WDR37: variants seen among roughly 807,000 people sequenced by gnomAD.
WDR37 encodes WD repeat-containing protein 37.
A neutral mutation model predicts 62.9 loss-of-function variants in WDR37; 19 were observed. That is an observed-to-expected ratio of 0.30 (90% confidence interval 0.21 to 0.44). WDR37 has a LOEUF of 0.44. Among genes scored for constraint, WDR37 ranks in the 20% least tolerant of loss-of-function variants. WDR37 has a pLI of 1.00. For missense variants in WDR37, 474 were observed against 657.6 expected (o/e 0.72, Z 3.05); for synonymous variants, 250 against 260.9 (o/e 0.96, Z 0.40).
intron 9 of WDR37, among the ~76,000 whole-genome samples, chr10:1,098,239 T>C (rs1390200695): frequency 6.6e-6 from 1 of 151,692 alleles, no homozygotes; most frequent in East Asian, 1.9e-4. Context: ...GATGAGTGTG[T>C]CCTTGTCAGA....
chr10:1,057,810 T>C (rs1833239969), intron 1 of WDR37, among the ~76,000 whole-genome samples: 1 of 152,258 alleles, frequency 6.6e-6, no homozygotes, highest in Admixed American at 6.5e-5. Flanking sequence ...AGAAAAGTGT[T>C]AATTGCTTGG....
chr10:1,078,453 A>T (rs937937008), intron 3 of WDR37, among the ~76,000 whole-genome samples: 4 of 152,208 alleles, frequency 2.6e-5, no homozygotes, highest in African/African-American at 9.6e-5. Flanking sequence ...ATCAGACAGT[A>T]TAAAAAGAAA....
chr10:1,080,517 A>G (rs779487791), intron 5 of WDR37, 41 bp downstream of exon 5: 1 of 1,603,902 alleles, frequency 6.2e-7, no homozygotes. Context: ...TGTGGTGGTT[A>G]AGGTGTGCAG....
chr10:1,072,315 C>T (rs1451994075), intron 2 of WDR37, 22 bp downstream of exon 2: 1 of 1,606,190 alleles, frequency 6.2e-7, no homozygotes, highest in Non-Finnish European at 8.5e-7. Context: ...TTGATTAGGG[C>T]CTTATTGATT....
At chr10:1,060,547 A>G (rs1326392853) in intron 1 of WDR37, among the ~76,000 whole-genome samples, 2 of 152,254 alleles carry the variant, frequency 1.3e-5, no homozygotes, top group Non-Finnish European at 2.9e-5. Flanking sequence ...AAATGTGAAT[A>G]TTTTGAAGGA....
intron 11 of WDR37, among the ~76,000 whole-genome samples, chr10:1,114,097 C>T (rs1229868252): frequency 6.6e-6 from 1 of 151,884 alleles, no homozygotes. Context: ...GCTGGGATTA[C>T]AGGCACCTGC....
At position 1,125,121 on chromosome 10, in the gene WDR37, A is replaced by G. The variant is rs931501953; in HGVS notation, c.1353+97A>G. ...TTTTCTTACTAAGTCTTTGCATGCT[A>G]AGTTTTCCTTGGAAATGCTTGAGCT... On this transcript the variant is annotated intron_variant, in intron 13 of 13. Transcript: ENST00000263150. 14 of 1,495,202 alleles carry G rather than the reference A, an allele frequency of 9.4e-6. No homozygotes were observed. The South Asian group carries it at 1.6e-4, about 17-fold the overall frequency. 92.6% of individuals were successfully genotyped at this position (1,495,202 alleles called of 1,614,324 possible).
At chr10:1,079,266 G>T (rs970106408) in intron 3 of WDR37, among the ~76,000 whole-genome samples, 1 of 151,666 alleles carries the variant, frequency 6.6e-6, no homozygotes, top group Non-Finnish European at 1.5e-5. Context: ...TGTATTTTTA[G>T]TAGAGAAGGG....
chr10:1,067,799 G>A (rs1250470671), intron 1 of WDR37, among the ~76,000 whole-genome samples: 1 of 152,058 alleles, frequency 6.6e-6, no homozygotes, highest in Non-Finnish European at 1.5e-5. Flanking sequence ...CAATAGCAAA[G>A]GTATGGAATC....
At chr10:1,114,682 A>G (rs1835332111) in intron 11 of WDR37, among the ~76,000 whole-genome samples, 1 of 152,202 alleles carries the variant, frequency 6.6e-6, no homozygotes. Context: ...AAGCTCCGAG[A>G]TTGCCTGTGT....
At chr10:1,082,146 CAG>C (rs1234882996) in intron 5 of WDR37, among the ~76,000 whole-genome samples, 1 of 152,152 alleles carries the variant, frequency 6.6e-6, no homozygotes, top group East Asian at 1.9e-4. Flanking sequence ...AATTTGGTAA[CAG>C]AATATATTCT....
intron 8 of WDR37, among the ~76,000 whole-genome samples, chr10:1,095,873 G>A (rs943827672): frequency 2.0e-5 from 3 of 152,196 alleles, no homozygotes; most frequent in African/African-American, 7.2e-5. Flanking sequence ...GATAGATGGA[G>A]AGGAAAATCT....
chr10:1,085,435 G>A (rs1325299593), intron 6 of WDR37, among the ~76,000 whole-genome samples: 1 of 152,228 alleles, frequency 6.6e-6, no homozygotes, highest in Non-Finnish European at 1.5e-5. Flanking sequence ...TCCCCCAGCA[G>A]ATGTTTGCCC....
intron 13 of WDR37, among the ~76,000 whole-genome samples, chr10:1,128,812 G>A (rs1032002783): frequency 6.6e-6 from 1 of 151,374 alleles, no homozygotes; most frequent in Non-Finnish European, 1.5e-5. Flanking sequence ...CGTGCTCGGC[G>A]GTCCATGCTC....
intron 7 of WDR37, among the ~76,000 whole-genome samples, chr10:1,087,617 A>G (rs1054783325): frequency 1.3e-5 from 2 of 151,812 alleles, no homozygotes; most frequent in Non-Finnish European, 2.9e-5. Context: ...TGTAGGTCTT[A>G]ATGGTAGGCT....
At chr10:1,083,480 G>T (rs1834094982) in intron 5 of WDR37, among the ~76,000 whole-genome samples, 1 of 152,312 alleles carries the variant, frequency 6.6e-6, no homozygotes, top group African/African-American at 2.4e-5. Context: ...GAAACAAGTT[G>T]TGTAATGCCA....
At chr10:1,128,786 G>A (rs760377893) in intron 13 of WDR37, among the ~76,000 whole-genome samples, 3 of 152,006 alleles carry the variant, frequency 2.0e-5, no homozygotes, top group Non-Finnish European at 4.4e-5. Flanking sequence ...CTGGCTGCAC[G>A]TCCTGGCGGC....
At chr10:1,118,786 G>A (rs1435046894) in intron 11 of WDR37, among the ~76,000 whole-genome samples, 1 of 152,222 alleles carries the variant, frequency 6.6e-6, no homozygotes, top group Non-Finnish European at 1.5e-5. Flanking sequence ...CTTTAGGAGT[G>A]TGCACGCACT....
intron 5 of WDR37, among the ~76,000 whole-genome samples, chr10:1,081,000 A>G (rs1834010867): frequency 6.6e-6 from 1 of 152,096 alleles, no homozygotes; most frequent in Non-Finnish European, 1.5e-5. Flanking sequence ...TAGTAAATAT[A>G]TTGTCTTTAG....
Sources: allele counts gnomAD v4.1 joint callset (sites outside exome capture counted in the v4.1 genomes callset), GRCh38; gene constraint gnomAD v4.1.1; transcripts MANE v1.5; gene names NCBI Gene and HGNC (gene_info 2026-07-23, HGNC 2026-07-21).